KLRG1: variants seen among roughly 807,000 people sequenced by gnomAD.
KLRG1 encodes the protein killer cell lectin like receptor G1, also known as killer cell lectin-like receptor subfamily G member 1.
Under a neutral mutation model 21.8 loss-of-function variants are expected in KLRG1, and 16 were observed. That is an observed-to-expected ratio of 0.73 (90% CI 0.50 to 1.11). The LOEUF is 1.11. Among genes scored for constraint, KLRG1 ranks in the 50% most tolerant of loss-of-function variants. The pLI is 0.00. For missense variants in KLRG1, 173 were observed against 218.3 expected (o/e 0.79, Z 1.31); for synonymous variants, 69 against 75.9 (o/e 0.91, Z 0.47).
downstream of KLRG1, among the ~76,000 whole-genome samples, chr12:9,015,725 A>G (rs1053416556): frequency 2.6e-5 from 4 of 152,222 alleles, no homozygotes; most frequent in African/African-American, 9.6e-5. Flanking sequence ...TCCTCAGCAT[A>G]TGGATCATTC....
chr12:9,018,680 A>T, the KLRG1 span, among the ~76,000 whole-genome samples: 3 of 133,202 alleles, frequency 2.3e-5, no homozygotes, highest in South Asian at 2.2e-4. Context: ...ATCTCTATTT[A>T]AAAAAAAAAA....
chr12:9,101,985 C>A, the KLRG1 span, among the ~76,000 whole-genome samples: 66 of 152,300 alleles, frequency 4.3e-4, no homozygotes, highest in Middle Eastern at 3.4e-3. Flanking sequence ...ATTAGAGACA[C>A]TGGAGCTATG....
chr12:9,045,003 A>G, the KLRG1 span, among the ~76,000 whole-genome samples: 1 of 152,194 alleles, frequency 6.6e-6, no homozygotes, highest in Non-Finnish European at 1.5e-5. Context: ...GTGGAATACT[A>G]TACAGAAGTT....
At chr12:9,166,187 A>G in the KLRG1 span, 2 of 1,612,038 alleles carry the variant, frequency 1.2e-6, no homozygotes, top group South Asian at 1.1e-5. Flanking sequence ...TGGTCTCTCT[A>G]CTACTCCTAG....
chr12:9,029,769 A>T, the KLRG1 span, among the ~76,000 whole-genome samples: 3 of 151,772 alleles, frequency 2.0e-5, no homozygotes, highest in African/African-American at 7.3e-5. Flanking sequence ...TAATTAATTT[A>T]TTTATTTGAG....
the KLRG1 span, among the ~76,000 whole-genome samples, chr12:9,042,038 G>T: frequency 1.3e-5 from 2 of 152,194 alleles, no homozygotes; most frequent in African/African-American, 4.8e-5. Flanking sequence ...GGAAGGACAA[G>T]GAACACATTT....
chr12:9,109,301 T>A, the KLRG1 span: 1 of 1,587,836 alleles, frequency 6.3e-7, no homozygotes, highest in East Asian at 2.2e-5. Flanking sequence ...CCACAAAAGA[T>A]TTTTAAAAAA....
At chr12:9,049,240 C>T in the KLRG1 span, among the ~76,000 whole-genome samples, 1 of 152,016 alleles carries the variant, frequency 6.6e-6, no homozygotes, top group Non-Finnish European at 1.5e-5. Context: ...TGTTCTTGGT[C>T]AAAGATTCCT....
the KLRG1 span, among the ~76,000 whole-genome samples, chr12:9,081,510 C>G: frequency 6.6e-6 from 1 of 152,208 alleles, no homozygotes; most frequent in South Asian, 2.1e-4. Flanking sequence ...TAGCTGCTAT[C>G]CACAGATCAG....
intron 1 of KLRG1, among the ~76,000 whole-genome samples, chr12:8,962,099 TAAG>T (rs1375357955): frequency 1.3e-5 from 2 of 151,684 alleles, no homozygotes; most frequent in African/African-American, 4.8e-5. Context: ...CCAGGCTTGC[TAAG>T]AAGGAGGTAA....
At chr12:9,031,756 G>C in the KLRG1 span, among the ~76,000 whole-genome samples, 2 of 152,222 alleles carry the variant, frequency 1.3e-5, no homozygotes, top group South Asian at 2.1e-4. Flanking sequence ...CATTGGTTTC[G>C]CTCAGAAAGG....
the KLRG1 span, among the ~76,000 whole-genome samples, chr12:9,118,964 G>T: frequency 6.6e-6 from 1 of 152,200 alleles, no homozygotes; most frequent in African/African-American, 2.4e-5. Flanking sequence ...CTCTTGTCTA[G>T]GCAATGGGCA....
chr12:9,126,300 T>C, the KLRG1 span, among the ~76,000 whole-genome samples: 1 of 152,244 alleles, frequency 6.6e-6, no homozygotes, highest in East Asian at 1.9e-4. Flanking sequence ...GAATGTTATA[T>C]AAAATATATT....
the KLRG1 span, chr12:9,162,389 C>T: frequency 3.5e-5 from 19 of 539,152 alleles, no homozygotes; most frequent in Middle Eastern, 9.1e-4. Flanking sequence ...AGGTATTAGT[C>T]CTGTCTGTAC....
rs116751107 is a variant in KLRG1, at chr12:8,995,163, C to T, written c.232C>T (p.Arg78Cys). 9.8e-4 allele frequency: 1,586 copies of T among 1,613,090 alleles called. 21 individuals are homozygous for T. The African/African-American group carries it at 0.018, about 18-fold the overall frequency. ...TCASCPSCPD[R>C]WMKYGNHCYY... ...TGCCAGCTGTCCTAGCTGCCCAGAC[C>T]GCTGGATGAAATATGGTAACCATTG... is the stretch of plus-strand genomic sequence containing the variant. Residue 78 changes from arginine to cysteine, a missense_variant, in exon 3 of 5, where the codon CGC (arginine) becomes TGC (cysteine). Physicochemically the swap from Arg to Cys is radical, Grantham distance 180. Coordinates refer to ENST00000356986, the MANE Select transcript of KLRG1 (RefSeq NM_005810.4).
At chr12:9,076,821 A>G in the KLRG1 span, 1 of 1,613,954 alleles carries the variant, frequency 6.2e-7, no homozygotes, top group Non-Finnish European at 8.5e-7. Flanking sequence ...GTTACCTGCC[A>G]GGGCAAAAGC....
chr12:9,104,448 G>A, the KLRG1 span: 2 of 1,515,476 alleles, frequency 1.3e-6, no homozygotes, highest in Admixed American at 2.1e-5. Flanking sequence ...TAACTAATAG[G>A]CACCAAACAT....
chr12:9,071,782 T>C, the KLRG1 span, among the ~76,000 whole-genome samples: 2 of 152,348 alleles, frequency 1.3e-5, no homozygotes, highest in Non-Finnish European at 2.9e-5. Context: ...CTCATTCTTT[T>C]TGATGTGTGC....
At chr12:8,975,191 C>T (rs1186378935) in intron 1 of KLRG1, among the ~76,000 whole-genome samples, 2 of 152,108 alleles carry the variant, frequency 1.3e-5, no homozygotes, top group East Asian at 3.9e-4. Context: ...TGAGCCACCA[C>T]ACCCAGCCAC....
Sources: gnomAD v4.1 joint callset for allele counts (sites outside exome capture counted in the v4.1 genomes callset) on GRCh38, gnomAD v4.1.1 for gene constraint, MANE v1.5 for transcripts, NCBI Gene and HGNC (gene_info 2026-07-23, HGNC 2026-07-21) for gene names.